Variants in CSMD1 observed in about 807,000 individuals in gnomAD.
CSMD1 encodes CUB and Sushi multiple domains 1.
In CSMD1, 213 loss-of-function variants were observed where a neutral mutation model predicts 417.5. The observed-to-expected ratio is 0.51, with a 90% CI of 0.46 to 0.57. CSMD1 has a LOEUF of 0.57. Ranked by LOEUF, CSMD1 falls within the 20% of genes least tolerant of loss-of-function variation. The pLI, the probability that CSMD1 is intolerant of heterozygous loss-of-function variation, is 0.00. For synonymous variants in CSMD1, 2,862 were observed against 1,736.8 expected, an observed-to-expected ratio of 1.65 and a Z score of -16.11; for missense variants, 6,923 against 4,529.7, an observed-to-expected ratio of 1.53 and a Z score of -15.17.
At position 3,710,604 on chromosome 8, in the gene CSMD1, T is replaced by G. The variant is rs147281888; in HGVS notation, c.932-2113A>C. 4.6e-3 allele frequency among the ~76,000 whole-genome samples: 705 copies of G among 152,258 alleles called. 6 individuals carry two copies. The highest frequency in any genetic ancestry group is 0.016 in the African/African-American group (664 of 41,532). On this transcript the variant is annotated intron_variant, in intron 6 of 69. Coordinates refer to ENST00000635120, the MANE Select transcript of CSMD1 (RefSeq NM_033225.6). ...GCTTCCTCTCTGGTCTTCCTGTGCTTGGCCCCTGTGTATTCTGACACACCT... is the reference window on the plus strand; with the variant it reads ...GCTTCCTCTCTGGTCTTCCTGTGCTGGGCCCCTGTGTATTCTGACACACCT...
rs1009932067 is a variant in CSMD1, at chr8:4,501,778, T to C, written c.303-81713A>G. Among the ~76,000 whole-genome samples the C allele has an allele frequency of 7.6e-4, 116 of 152,128 alleles. 1 individual carries two copies. The highest frequency in any genetic ancestry group is 8.8e-5 in the Non-Finnish European group (6 of 68,018). ...TAGTGCAGCATTTGTGTTCAAGTTG[T>C]CGTTATTTGACTTTATAACATGCAA... On this transcript the variant is annotated intron_variant, in intron 2 of 69. Transcript: ENST00000635120.
At chr8:3,584,532 C>T (rs915295880) in intron 9 of CSMD1, among the ~76,000 whole-genome samples, 17 of 130,940 alleles carry the variant, frequency 1.3e-4, no homozygotes, top group Non-Finnish European at 2.7e-4. Context: ...GTGATAAGCA[C>T]CTCTGAGTGT....
chr8:3,654,662 T>C (rs539884800), intron 7 of CSMD1, among the ~76,000 whole-genome samples: 1 of 152,334 alleles, frequency 6.6e-6, no homozygotes, highest in African/African-American at 2.4e-5. Context: ...CCATTTGTGA[T>C]ATGCTAAGTA....
intron 10 of CSMD1, among the ~76,000 whole-genome samples, chr8:3,559,190 T>C (rs1184024548): frequency 5.3e-5 from 8 of 152,216 alleles, no homozygotes. Flanking sequence ...ATGGTATGTG[T>C]TTGGGCAATA....
chr8:2,997,318 T>C (rs1806995447), intron 54 of CSMD1, among the ~76,000 whole-genome samples: 1 of 152,232 alleles, frequency 6.6e-6, no homozygotes, highest in Non-Finnish European at 1.5e-5. Context: ...ATGACTTGGG[T>C]TCCCACTCTG....
chr8:3,869,447 C>G (rs143610337), intron 5 of CSMD1, among the ~76,000 whole-genome samples: 1 of 152,180 alleles, frequency 6.6e-6, no homozygotes, highest in Non-Finnish European at 1.5e-5. Context: ...CTTCATAAAG[C>G]GTGTCTCACC....
At chr8:3,421,409 T>C (rs1250024862) in intron 12 of CSMD1, among the ~76,000 whole-genome samples, 2 of 152,226 alleles carry the variant, frequency 1.3e-5, no homozygotes, top group African/African-American at 4.8e-5. Flanking sequence ...AGTTACTATA[T>C]ACAATCCCAG....
At chr8:4,731,165 G>C (rs1053618881) in intron 1 of CSMD1, among the ~76,000 whole-genome samples, 3 of 152,196 alleles carry the variant, frequency 2.0e-5, no homozygotes, top group African/African-American at 4.8e-5. Flanking sequence ...TTTCCGAGCT[G>C]TAACTGAAAG....
At chr8:4,605,410 C>T (rs903783441) in intron 2 of CSMD1, among the ~76,000 whole-genome samples, 1 of 152,050 alleles carries the variant, frequency 6.6e-6, no homozygotes, top group Non-Finnish European at 1.5e-5. Context: ...ATTGGAGGAC[C>T]ACTCTGAACA....
intron 1 of CSMD1, among the ~76,000 whole-genome samples, chr8:4,847,045 G>C (rs942700170): frequency 1.3e-5 from 2 of 151,930 alleles, no homozygotes; most frequent in Admixed American, 6.6e-5. Context: ...AAGCATTCTT[G>C]TTCTGATAAT....
At chr8:4,325,860 G>C (rs1239052066) in intron 3 of CSMD1, among the ~76,000 whole-genome samples, 1 of 152,100 alleles carries the variant, frequency 6.6e-6, no homozygotes, top group African/African-American at 2.4e-5. Context: ...CTGATGGCTG[G>C]AATTGAGAGT....
At chr8:3,494,110 C>T (rs977180976) in intron 10 of CSMD1, among the ~76,000 whole-genome samples, 2 of 152,110 alleles carry the variant, frequency 1.3e-5, no homozygotes, top group Admixed American at 1.3e-4. Flanking sequence ...ATCCAGAATG[C>T]TCTGCAATAA....
At position 3,219,422 on chromosome 8, in the gene CSMD1, T is replaced by C. The variant is rs759611537; in HGVS notation, c.4505A>G (p.Tyr1502Cys). The C allele has an allele frequency of 1.3e-6, 2 of 1,515,678 alleles. No individual in the cohort carries two copies. Among genetic ancestry groups the C allele is most frequent in the East Asian group, 2.4e-5 (1 of 41,044 alleles). The allele number at this position is 1,515,678 out of a possible 1,614,324, so 93.9% of individuals were successfully genotyped here. The change falls in exon 29 of 70, where the codon TAT becomes TGT. Residue 1502 changes from tyrosine to cysteine, a missense_variant. By Grantham distance (194) the Tyr-to-Cys change is radical. Transcript: ENST00000635120. ...CCCTTCATAGATGTGTAGGAAGTCA[T>C]AGCTGGGCTCCATGTTGAAACTAAA... ...IFKSFNMEPS[Y>C]DFLHIYEGED...
intron 3 of CSMD1, among the ~76,000 whole-genome samples, chr8:4,052,387 G>A (rs983863173): frequency 1.3e-5 from 2 of 152,112 alleles, no homozygotes; most frequent in African/African-American, 4.8e-5. Flanking sequence ...AATATAATTG[G>A]CAAAGACCTA....
At chr8:3,679,795 C>G (rs1799560083) in intron 7 of CSMD1, among the ~76,000 whole-genome samples, 1 of 152,162 alleles carries the variant, frequency 6.6e-6, no homozygotes, top group Non-Finnish European at 1.5e-5. Context: ...GTAAAGCTCT[C>G]CTCAGCAAAT....
At chr8:4,566,190 A>T (rs1798598244) in intron 2 of CSMD1, among the ~76,000 whole-genome samples, 1 of 152,158 alleles carries the variant, frequency 6.6e-6, no homozygotes, top group Non-Finnish European at 1.5e-5. Context: ...ATCCATCTAC[A>T]ATAGACCATG....
intron 3 of CSMD1, among the ~76,000 whole-genome samples, chr8:4,062,720 A>G (rs1799040798): frequency 6.6e-6 from 1 of 151,786 alleles, no homozygotes; most frequent in Non-Finnish European, 1.5e-5. Context: ...ATTCCTGATC[A>G]GCATTATCAA....
chr8:4,791,707 C>T lies in CSMD1; in HGVS notation c.86-154149G>A, dbSNP rs955463507. Among the ~76,000 whole-genome samples the T allele has an allele frequency of 4.7e-4, 72 of 152,250 alleles. 1 individual carries two copies. The highest frequency in any genetic ancestry group is 4.1e-4 in the South Asian group (2 of 4,826). The stretch of plus-strand genomic sequence containing the variant: ...GAGGCCAGGATCTGGTACCATTGTG[C>T]AAGCCAATAGTTCAAGTATTTTCTG... On this transcript the variant is annotated intron_variant, in intron 1 of 69. Transcript: ENST00000635120.
chr8:4,074,490 T>A (rs941723405), intron 3 of CSMD1, among the ~76,000 whole-genome samples: 1 of 152,048 alleles, frequency 6.6e-6, no homozygotes, highest in Non-Finnish European at 1.5e-5. Flanking sequence ...ATTATGAAAA[T>A]CTAAAGTTTG....
Sources: gnomAD v4.1 joint callset for allele counts (sites outside exome capture counted in the v4.1 genomes callset) on GRCh38, gnomAD v4.1.1 for gene constraint, MANE v1.5 for transcripts, NCBI Gene and HGNC (gene_info 2026-07-23, HGNC 2026-07-21) for gene names.